Variants in MFHAS1 observed in about 807,000 individuals in gnomAD.
MFHAS1 encodes the protein multifunctional ROCO family signaling regulator 1.
In MFHAS1, 50 loss-of-function variants were observed where a neutral mutation model predicts 70.4. The observed-to-expected ratio is 0.71, with a 90% CI of 0.57 to 0.90. The LOEUF (loss-of-function observed/expected upper bound fraction) is 0.90. Ranked by LOEUF, MFHAS1 falls within the 40% of genes least tolerant of loss-of-function variation. The pLI is 0.00. For missense variants in MFHAS1, 1,795 were observed against 1,347.6 expected, an observed-to-expected ratio of 1.33 and a Z score of -5.20; for synonymous variants, 952 against 620.0, an observed-to-expected ratio of 1.54 and a Z score of -7.96.
chr8:8,821,723 T>A (rs1180744577), intron 1 of MFHAS1: 1 of 152,240 alleles, frequency 6.6e-6, no homozygotes, highest in African/African-American at 2.4e-5. Context: ...AGGTTTTCCA[T>A]CAAGGTTTTA....
At chr8:8,857,719 C>G (rs780686853) in intron 1 of MFHAS1, among the ~76,000 whole-genome samples, 4 of 150,794 alleles carry the variant, frequency 2.7e-5, no homozygotes, top group African/African-American at 9.8e-5. Context: ...AAGATCGCAC[C>G]AAGGCACTCT....
intron 1 of MFHAS1, among the ~76,000 whole-genome samples, chr8:8,841,467 C>CA (rs11435426): frequency 0.41 from 59,313 of 143,570 alleles, 12,811 homozygotes; most frequent in East Asian, 0.73. Flanking sequence ...GACTTCGTCT[C>CA]AAAAAAAAAA....
At chr8:8,819,401 C>G (rs897949562) in intron 1 of MFHAS1, among the ~76,000 whole-genome samples, 1 of 151,972 alleles carries the variant, frequency 6.6e-6, no homozygotes, top group East Asian at 1.9e-4. Context: ...GTCAGGAGAT[C>G]GAGACCATCC....
chr8:8,808,278 T>A (rs1806409030), intron 1 of MFHAS1, among the ~76,000 whole-genome samples: 1 of 151,390 alleles, frequency 6.6e-6, no homozygotes, highest in Admixed American at 6.6e-5. Context: ...CTGGGAACCC[T>A]CCTCTGCCCA....
intron 1 of MFHAS1, among the ~76,000 whole-genome samples, chr8:8,880,973 C>A (rs1809499963): frequency 6.6e-6 from 1 of 152,136 alleles, no homozygotes; most frequent in African/African-American, 2.4e-5. Context: ...TGTGAGCCAT[C>A]ACGCCTGACC....
intron 1 of MFHAS1, among the ~76,000 whole-genome samples, chr8:8,862,319 T>A (rs775474879): frequency 3.3e-5 from 5 of 151,714 alleles, no homozygotes; most frequent in Non-Finnish European, 7.4e-5. Context: ...TATTCATGTA[T>A]CATATTTTGG....
chr8:8,844,056 C>T (rs181147450), intron 1 of MFHAS1, among the ~76,000 whole-genome samples: 1 of 152,296 alleles, frequency 6.6e-6, no homozygotes, highest in East Asian at 1.9e-4. Context: ...AAATTCTAAT[C>T]CTTTTGAAAA....
At chr8:8,803,735 G>A (rs1314673186) in intron 1 of MFHAS1, among the ~76,000 whole-genome samples, 1 of 151,942 alleles carries the variant, frequency 6.6e-6, no homozygotes, top group African/African-American at 2.4e-5. Context: ...ACTTTGGGAG[G>A]CCGAGGCAGG....
rs889442721 is a variant in MFHAS1 at position 8,784,608 on chromosome 8, C to G, written c.*1414G>C. 6.6e-6 allele frequency: 1 copy of G among 152,108 alleles called. No homozygotes were observed. Among genetic ancestry groups the G allele is most frequent in the Non-Finnish European group, 1.5e-5 (1 of 68,022 alleles). 9.4% of individuals were successfully genotyped at this position (152,108 alleles called of 1,614,324 possible). ...AAAAAACATGTTGAGACTTTGTATACTGTAGCCTTCCAAGAGTCAATACTT... is the reference window on the plus strand; with the variant it reads ...AAAAAACATGTTGAGACTTTGTATAGTGTAGCCTTCCAAGAGTCAATACTT... On this transcript the variant is annotated 3_prime_UTR_variant, in exon 3 of 3. Coordinates refer to ENST00000276282, the MANE Select transcript of MFHAS1 (RefSeq NM_004225.3).
At chr8:8,821,963 G>C (rs1806972007) in intron 1 of MFHAS1, 1 of 152,342 alleles carries the variant, frequency 6.6e-6, no homozygotes, top group African/African-American at 2.4e-5. Flanking sequence ...AAATGGCTCT[G>C]ACAGCTCTAG....
At chr8:8,808,332 C>T (rs931297082) in intron 1 of MFHAS1, among the ~76,000 whole-genome samples, 1 of 152,130 alleles carries the variant, frequency 6.6e-6, no homozygotes, top group Admixed American at 6.5e-5. Context: ...CCTCCTCTGC[C>T]CAGTGTCCCC....
At chr8:8,805,165 A>G (rs1293424701) in intron 1 of MFHAS1, among the ~76,000 whole-genome samples, 1 of 152,050 alleles carries the variant, frequency 6.6e-6, no homozygotes, top group Non-Finnish European at 1.5e-5. Context: ...AGGGGAAAAA[A>G]CTGCTACTAT....
chr8:8,848,585 G>C (rs570599135), intron 1 of MFHAS1, among the ~76,000 whole-genome samples: 1 of 151,538 alleles, frequency 6.6e-6, no homozygotes, highest in Non-Finnish European at 1.5e-5. Context: ...ATAAAGACAA[G>C]CCCTTTTACT....
At chr8:8,812,370 C>T (rs1806581815) in intron 1 of MFHAS1, among the ~76,000 whole-genome samples, 1 of 152,170 alleles carries the variant, frequency 6.6e-6, no homozygotes, top group Non-Finnish European at 1.5e-5. Context: ...CAGTACGCTG[C>T]TGGGTCCCAG....
At chr8:8,888,780 G>A (rs1186100035) in intron 1 of MFHAS1, among the ~76,000 whole-genome samples, 1 of 152,162 alleles carries the variant, frequency 6.6e-6, no homozygotes, top group Non-Finnish European at 1.5e-5. Context: ...GGGGGATACA[G>A]GTCATTGGAC....
chr8:8,796,496 A>G (rs985254736), intron 2 of MFHAS1, among the ~76,000 whole-genome samples: 61 of 151,230 alleles, frequency 4.0e-4, no homozygotes, highest in African/African-American at 1.2e-3. Flanking sequence ...ATCCTGGCTA[A>G]CAGGGTGAAA....
chr8:8,809,297 C>T (rs1806457087), intron 1 of MFHAS1, among the ~76,000 whole-genome samples: 1 of 152,052 alleles, frequency 6.6e-6, no homozygotes. Flanking sequence ...TGAAACCATC[C>T]CACCAACCCC....
chr8:8,844,463 G>A (rs1298491013), intron 1 of MFHAS1, among the ~76,000 whole-genome samples: 2 of 152,148 alleles, frequency 1.3e-5, no homozygotes, highest in South Asian at 2.1e-4. Flanking sequence ...CATATACACA[G>A]CACACCTGTC....
chr8:8,892,456 C>T lies in MFHAS1; in HGVS notation c.603G>A (p.Leu201=). Reference sequence around the variant, plus strand: ...CCAGCTCCTCCAGGGCCACCAGCTGCAGCAGCTGCCGGGGGAAGGCAGTGA... The same window carrying T: ...CCAGCTCCTCCAGGGCCACCAGCTGTAGCAGCTGCCGGGGGAAGGCAGTGA... ...NQLTAFPRQL[L]QLVALEELDV... Residue 201 remains leucine (L), a synonymous_variant, in exon 1 of 3, where the codon CTG becomes CTA. Coordinates refer to ENST00000276282, the MANE Select transcript of MFHAS1 (RefSeq NM_004225.3). This position sits in a 1 kb window ranked among gnomAD's most constrained non-coding sequence, Gnocchi z 4.7. The T allele has an allele frequency of 6.2e-7, 1 of 1,610,226 alleles. No individual in the cohort carries two copies. The highest frequency in any genetic ancestry group is 8.5e-7 in the Non-Finnish European group (1 of 1,178,440).
Sources: gnomAD v4.1 joint callset for allele counts (sites outside exome capture counted in the v4.1 genomes callset) on GRCh38, gnomAD v4.1.1 for gene constraint, Gnocchi (gnomAD v3.1) non-coding constraint, MANE v1.5 for transcripts, NCBI Gene and HGNC (gene_info 2026-07-23, HGNC 2026-07-21) for gene names.